The following FANCA variants were observed in gnomAD, a reference collection of about 807,000 sequenced individuals.
FANCA encodes Fanconi anemia group A protein.
In FANCA, 236 loss-of-function variants were observed where a neutral mutation model predicts 194.3. The observed-to-expected ratio is 1.21, with a 90% CI of 1.09 to 1.35. The LOEUF (loss-of-function observed/expected upper bound fraction) is 1.35. FANCA is among the 40% of genes most tolerant of loss of function. The pLI is 0.00. For missense variants in FANCA, 2,628 were observed against 1,813.9 expected, an observed-to-expected ratio of 1.45 and a Z score of -8.15; for synonymous variants, 1,014 against 715.8, an observed-to-expected ratio of 1.42 and a Z score of -6.65.
chr16:89,807,578 C>G (rs2040705658), intron 6 of FANCA, among the ~76,000 whole-genome samples: 1 of 151,934 alleles, frequency 6.6e-6, no homozygotes, highest in Admixed American at 6.6e-5. Context: ...GGCGAAACCA[C>G]ATCTCTACTA....
chr16:89,778,464 TAAAAAAA>T, intron 20 of FANCA: 2 of 203,216 alleles, frequency 9.8e-6, no homozygotes, highest in South Asian at 8.3e-5. Flanking sequence ...AGACTCCATC[TAAAAAAA>T]AAAAAAAAAA....
intron 6 of FANCA, among the ~76,000 whole-genome samples, chr16:89,808,082 ACAAAACC>A (rs151338658): frequency 3.1e-5 from 4 of 128,452 alleles, no homozygotes; most frequent in Non-Finnish European, 6.3e-5. Flanking sequence ...CAAAAAGCAA[ACAAAACC>A]AAAACACCAT....
At chr16:89,806,249 C>G (rs1009074818) in intron 6 of FANCA, among the ~76,000 whole-genome samples, 1 of 151,840 alleles carries the variant, frequency 6.6e-6, no homozygotes, top group South Asian at 2.1e-4. Context: ...GGGGACTGTT[C>G]CATTTGGACT....
rs372221924 is a variant in FANCA, at chr16:89,762,059, C to G, written c.2779-37G>C. 5 of 1,496,612 alleles carry G rather than the reference C, an allele frequency of 3.3e-6. No homozygotes were observed. In the African/African-American group the frequency reaches 5.5e-5, roughly 16 times the overall value. The allele number at this position is 1,496,612 out of a possible 1,614,324, so 92.7% of individuals were successfully genotyped here. On this transcript the variant is annotated intron_variant, in intron 28 of 42. Coordinates refer to ENST00000389301, the MANE Select transcript of FANCA (RefSeq NM_000135.4). ...AGCAAGCAATTCAATACAATGAGGA[C>G]AGAACACACAATCCACCGACAGGTT...
intron 1 of FANCA, 199 bp from the exon 2 acceptor site, chr16:89,816,185 AG>A: frequency 3.3e-6 from 2 of 612,836 alleles, no homozygotes; most frequent in South Asian, 3.3e-5. Flanking sequence ...ACGGCCCAGG[AG>A]GGCCCGAGGC....
intron 30 of FANCA, among the ~76,000 whole-genome samples, chr16:89,757,560 G>A (rs1277231996): frequency 1.3e-5 from 2 of 152,176 alleles, no homozygotes; most frequent in African/African-American, 4.8e-5. Context: ...AACATAAAAT[G>A]GATTCGTGGT....
Position 89,814,505 on chromosome 16 carries a change from G to C in FANCA, c.283+15C>G. 1 of 1,554,390 alleles carries C rather than the reference G, an allele frequency of 6.4e-7. No homozygotes were observed. Among genetic ancestry groups the C allele is most frequent in the African/African-American group, 1.4e-5 (1 of 73,748 alleles). ...TTCTGCAATTCAAAATAGAGAAAAT[G>C]AAGCTATAACTTACCTATAAATGAA... On this transcript the variant is annotated intron_variant, in intron 3 of 42. Coordinates refer to ENST00000389301, the MANE Select transcript of FANCA (RefSeq NM_000135.4).
chr16:89,780,306 A>G (rs1240261260), intron 17 of FANCA, among the ~76,000 whole-genome samples: 1 of 152,172 alleles, frequency 6.6e-6, no homozygotes. Flanking sequence ...GAAGGAGTAG[A>G]GACTTAATTT....
At chr16:89,780,052 G>C (rs1412730699) in intron 17 of FANCA, 95 bp from the exon 18 acceptor site, 3 of 1,106,958 alleles carry the variant, frequency 2.7e-6, no homozygotes. Flanking sequence ...CTTCCTTGTT[G>C]AAAGGCTCTG....
chr16:89,791,246 G>C (rs902582077), intron 14 of FANCA, 157 bp downstream of exon 14: 8 of 967,402 alleles, frequency 8.3e-6, no homozygotes, highest in Non-Finnish European at 1.3e-5. Flanking sequence ...CAGGCTCCTC[G>C]GCACACGCAG....
chr16:89,809,714 ATGGTGGCGCATGCC>A (rs945662837), intron 5 of FANCA, among the ~76,000 whole-genome samples: 2 of 151,962 alleles, frequency 1.3e-5, no homozygotes, highest in Non-Finnish European at 2.9e-5. Context: ...TTAGCCAGGC[ATGGTGGCGCATGCC>A]TGTAATCCCA....
intron 33 of FANCA, 48 bp downstream of exon 33, chr16:89,748,611 C>T (rs1210201873): frequency 2.1e-6 from 3 of 1,444,552 alleles, no homozygotes; most frequent in Non-Finnish European, 2.9e-6. Context: ...GCTGTTAGCG[C>T]CACAGGCACT....
rs192188499 is a variant in FANCA, at chr16:89,740,092, G to A, written c.3836C>T (p.Thr1279Ile). The A allele has an allele frequency of 1.2e-6, 2 of 1,614,140 alleles. No individual in the cohort carries two copies. The highest frequency in any genetic ancestry group is 1.3e-5 in the African/African-American group (1 of 75,060). The change falls in exon 39 of 43, where the codon ACA (threonine) becomes ATA (isoleucine). Residue 1279 changes from threonine to isoleucine, a missense_variant. Thr to Ile is a moderately conservative substitution (Grantham distance 89). Transcript: ENST00000389301. ...AACGTGGAAAGCCTTTGGCAGGTCT[G>A]TGGTGCTCTGTAAACCGCAGGAGAC... is the stretch of plus-strand genomic sequence containing the variant. Reference protein sequence around the residue: ...LSSHLTSNSTTDLPKAFHVCA... With the variant: ...LSSHLTSNSTIDLPKAFHVCA...
Position 89,739,979 on chromosome 16 carries a change from C to CAGCGT in FANCA, c.3934+10_3934+14dup. 6.2e-7 allele frequency: 1 copy of CAGCGT among 1,613,590 alleles called. No individual in the cohort carries two copies. Among genetic ancestry groups the CAGCGT allele is most frequent in the Non-Finnish European group, 8.5e-7 (1 of 1,179,486 alleles). ...GCGGCCCTCCGCATTTGTGCCTCAGCAGCGTGTTTCTTACCACTCTCTGTC... is the reference window on the plus strand; with the variant it reads ...GCGGCCCTCCGCATTTGTGCCTCAGCAGCGTAGCGTGTTTCTTACCACTCTCTGTC... On this transcript the variant is annotated intron_variant, in intron 39 of 42. Transcript: ENST00000389301.
intron 28 of FANCA, 44 bp from the exon 29 acceptor site, chr16:89,762,066 C>G: frequency 6.9e-7 from 1 of 1,442,896 alleles, no homozygotes; most frequent in Non-Finnish European, 9.8e-7. Flanking sequence ...GGACAGAACA[C>G]ACAATCCACC....
chr16:89,782,592 C>A (rs1225345872), intron 17 of FANCA, among the ~76,000 whole-genome samples: 1 of 152,090 alleles, frequency 6.6e-6, no homozygotes, highest in African/African-American at 2.4e-5. Flanking sequence ...CCCACAGGAA[C>A]CAAGATCTCC....
rs757531036 is a variant in FANCA, at chr16:89,811,085, C to T, written c.284-14G>A. ...GCAAAGCAGAGCCTTAAACACAAAA[C>T]AAAACCATAGCTTTCTCTTAACACA... On this transcript the variant is annotated splice_polypyrimidine_tract_variant and intron_variant, in intron 3 of 42. Transcript: ENST00000389301. The T allele has an allele frequency of 1.2e-6, 2 of 1,613,770 alleles. No homozygotes were observed. Among genetic ancestry groups the T allele is most frequent in the Non-Finnish European group, 8.5e-7 (1 of 1,180,022 alleles).
intron 29 of FANCA, among the ~76,000 whole-genome samples, chr16:89,760,625 C>G (rs2038921349): frequency 6.6e-6 from 1 of 152,194 alleles, no homozygotes; most frequent in South Asian, 2.1e-4. Flanking sequence ...CTCCCTACTC[C>G]TATGCCCAGA....
chr16:89,775,558 A>G (rs2039471455), intron 21 of FANCA, among the ~76,000 whole-genome samples, 184 bp downstream of exon 21: 1 of 152,226 alleles, frequency 6.6e-6, no homozygotes, highest in Admixed American at 6.5e-5. Context: ...ACCCCCAGGT[A>G]AGAGTCTGTG....
Sources: gnomAD v4.1 joint callset for allele counts (sites outside exome capture counted in the v4.1 genomes callset) on GRCh38, gnomAD v4.1.1 for gene constraint, MANE v1.5 for transcripts, NCBI Gene and HGNC (gene_info 2026-07-23, HGNC 2026-07-21) for gene names.